ITGA8: variants seen among roughly 807,000 people sequenced by gnomAD.
ITGA8 encodes integrin alpha-8.
ITGA8 carries 91 observed loss-of-function variants against 142.3 expected under a neutral mutation model. That is an observed-to-expected ratio of 0.64 (90% CI 0.54 to 0.76). The LOEUF (loss-of-function observed/expected upper bound fraction) is 0.76. Ranked by LOEUF, ITGA8 falls within the 30% of genes least tolerant of loss-of-function variation. ITGA8 has a pLI of 0.00. For synonymous variants in ITGA8, 505 were observed against 485.2 expected, an observed-to-expected ratio of 1.04 and a Z score of -0.54; for missense variants, 1,406 against 1,327.7, an observed-to-expected ratio of 1.06 and a Z score of -0.92.
chr10:15,581,434 T>C (rs1322408836), intron 23 of ITGA8, among the ~76,000 whole-genome samples: 1 of 152,188 alleles, frequency 6.6e-6, no homozygotes, highest in Non-Finnish European at 1.5e-5. Context: ...CCTTGGCTGA[T>C]TTTAATGTCT....
intron 13 of ITGA8, among the ~76,000 whole-genome samples, chr10:15,616,986 G>A (rs865808470): frequency 2.6e-5 from 4 of 152,194 alleles, no homozygotes; most frequent in Non-Finnish European, 4.4e-5. Context: ...GAAGTGGAAC[G>A]TTCTGATTGT....
intron 4 of ITGA8, 56 bp downstream of exon 4, chr10:15,683,948 C>G: frequency 6.2e-7 from 1 of 1,607,946 alleles, no homozygotes; most frequent in Non-Finnish European, 8.5e-7. Flanking sequence ...GCACTCCTGT[C>G]TACGATAGAA....
At chr10:15,518,443 T>A (rs1018158546) in intron 29 of ITGA8, among the ~76,000 whole-genome samples, 2 of 152,260 alleles carry the variant, frequency 1.3e-5, no homozygotes, top group African/African-American at 4.8e-5. Flanking sequence ...AAAGAGCTGA[T>A]AACGATCAGA....
intron 5 of ITGA8, 117 bp from the exon 6 acceptor site, chr10:15,677,754 G>A (rs559834316): frequency 2.3e-5 from 21 of 911,918 alleles, no homozygotes; most frequent in African/African-American, 2.2e-4. Context: ...CACATAAAAA[G>A]CAATTTTTAA....
chr10:15,523,310 C>T (rs1170400249), intron 28 of ITGA8, among the ~76,000 whole-genome samples: 1 of 152,040 alleles, frequency 6.6e-6, no homozygotes, highest in Non-Finnish European at 1.5e-5. Flanking sequence ...CTAACAAAGA[C>T]ATTTAAAGTT....
chr10:15,643,793 T>G (rs772298624), intron 13 of ITGA8, among the ~76,000 whole-genome samples: 8 of 152,208 alleles, frequency 5.3e-5, no homozygotes, highest in Non-Finnish European at 8.8e-5. Context: ...CAATGCAGAT[T>G]GTTAAGCCAT....
chr10:15,651,893 G>A (rs1339698292), intron 11 of ITGA8, among the ~76,000 whole-genome samples: 1 of 152,038 alleles, frequency 6.6e-6, no homozygotes, highest in Non-Finnish European at 1.5e-5. Flanking sequence ...TATATAATAG[G>A]ACCCTGAATT....
At chr10:15,719,457 A>G (rs1835516644) in intron 1 of ITGA8, 106 bp downstream of exon 1, 2 of 1,015,152 alleles carry the variant, frequency 2.0e-6, no homozygotes, top group Non-Finnish European at 2.7e-6. Flanking sequence ...GGCAGGCGGC[A>G]GGACGGGGAT....
intron 1 of ITGA8, 66 bp downstream of exon 1, chr10:15,719,497 G>A: frequency 7.1e-7 from 1 of 1,414,776 alleles, no homozygotes; most frequent in Non-Finnish European, 9.3e-7. Flanking sequence ...CCGCGGCAGA[G>A]CCGCTGGGAC....
chr10:15,582,142 G>C (rs1199410240), intron 23 of ITGA8, among the ~76,000 whole-genome samples: 1 of 152,194 alleles, frequency 6.6e-6, no homozygotes, highest in African/African-American at 2.4e-5. Flanking sequence ...GGGAGGCTGT[G>C]GTGGGAGGAT....
At chr10:15,715,069 A>G (rs571555288) in intron 2 of ITGA8, among the ~76,000 whole-genome samples, 2 of 152,282 alleles carry the variant, frequency 1.3e-5, no homozygotes, top group Admixed American at 1.3e-4. Flanking sequence ...TGGGGCCACT[A>G]CTTAGTTAAG....
rs187632687 is a variant in ITGA8 at position 15,535,120 on chromosome 10, C to T, written c.2881-3969G>A. 1.5e-3 allele frequency among the ~76,000 whole-genome samples: 224 copies of T among 152,246 alleles called. 1 individual carries two copies. The highest frequency in any genetic ancestry group is 8.9e-3 in the East Asian group (46 of 5,164). ...GGTGTGCTGGGTCCCCCAGCAGTGC[C>T]GGCCCACCGGTGCTGTGCTGGATTT... On this transcript the variant is annotated intron_variant, in intron 27 of 29. Transcript: ENST00000378076.
At chr10:15,614,692 G>A (rs1833361895) in intron 14 of ITGA8, among the ~76,000 whole-genome samples, 1 of 152,170 alleles carries the variant, frequency 6.6e-6, no homozygotes, top group African/African-American at 2.4e-5. Flanking sequence ...TGTTGGATAA[G>A]TTTCCCCCCA....
chr10:15,634,813 G>A (rs1025256557), intron 13 of ITGA8, among the ~76,000 whole-genome samples: 8 of 152,000 alleles, frequency 5.3e-5, no homozygotes, highest in African/African-American at 1.2e-4. Context: ...ATAGAATTTC[G>A]AATAGGTCCA....
intron 6 of ITGA8, among the ~76,000 whole-genome samples, chr10:15,676,098 C>G (rs1333376349): frequency 2.0e-5 from 3 of 152,138 alleles, no homozygotes; most frequent in Non-Finnish European, 4.4e-5. Flanking sequence ...CACCCAAGCT[C>G]TTCTTCCCTC....
intron 13 of ITGA8, among the ~76,000 whole-genome samples, chr10:15,621,265 T>A (rs1833485972): frequency 6.6e-6 from 1 of 152,140 alleles, no homozygotes; most frequent in Non-Finnish European, 1.5e-5. Flanking sequence ...GCCTTTGCTA[T>A]TGCCTCACGT....
intron 27 of ITGA8, among the ~76,000 whole-genome samples, chr10:15,535,175 G>T (rs1486329107): frequency 3.9e-5 from 6 of 152,152 alleles, no homozygotes; most frequent in Non-Finnish European, 5.9e-5. Context: ...CTCCCCCAGG[G>T]GCAGGGCTCG....
chr10:15,698,150 A>G lies in ITGA8; in HGVS notation c.344-10112T>C, dbSNP rs183280991. On this transcript the variant is annotated intron_variant, in intron 2 of 29. Coordinates refer to ENST00000378076, the MANE Select transcript of ITGA8 (RefSeq NM_003638.3). ...GCTTAGCTCCCACTTATCAGTGAGA[A>G]CATACAATGTTTGGTTTTCCATTTC... Among the ~76,000 whole-genome samples the G allele has an allele frequency of 2.6e-5, 4 of 152,304 alleles. No homozygotes were observed. The East Asian group carries it at 7.7e-4, about 29-fold the overall frequency.
At position 15,605,190 on chromosome 10, in the gene ITGA8, G is replaced by A. The variant is rs75555222; in HGVS notation, c.1970+534C>T. 3.3e-3 allele frequency among the ~76,000 whole-genome samples: 508 copies of A among 152,278 alleles called. 3 individuals carry two copies. The highest frequency in any genetic ancestry group is 0.012 in the African/African-American group (490 of 41,556). On this transcript the variant is annotated intron_variant, in intron 19 of 29. Coordinates refer to ENST00000378076, the MANE Select transcript of ITGA8 (RefSeq NM_003638.3). Reference sequence around the variant, plus strand: ...AGAATACAGTGCAATTTCCAGTGCTGGAATGGGGGCGTCCATTACTGGCAA... The same window carrying A: ...AGAATACAGTGCAATTTCCAGTGCTAGAATGGGGGCGTCCATTACTGGCAA...
Sources: allele counts gnomAD v4.1 joint callset (sites outside exome capture counted in the v4.1 genomes callset), GRCh38; gene constraint gnomAD v4.1.1; transcripts MANE v1.5; gene names NCBI Gene and HGNC (gene_info 2026-07-23, HGNC 2026-07-21).